GPM6A: variants seen among roughly 807,000 people sequenced by gnomAD.
GPM6A encodes neuronal membrane glycoprotein M6-a.
Under a neutral mutation model 32.1 loss-of-function variants are expected in GPM6A, and 7 were observed. The ratio of observed to expected loss-of-function variants is 0.22; its 90% CI spans 0.12 to 0.41. The LOEUF (loss-of-function observed/expected upper bound fraction) is 0.41. Among genes scored for constraint, GPM6A ranks in the 10% least tolerant of loss-of-function variants. The pLI, the probability that GPM6A is intolerant of heterozygous loss-of-function variation, is 1.00. For missense variants in GPM6A, 235 were observed against 347.2 expected (o/e 0.68, Z 2.57); for synonymous variants, 130 against 123.4 (o/e 1.05, Z -0.35).
chr4:175,926,158 T>C (rs540545797), intron 1 of GPM6A, among the ~76,000 whole-genome samples: 1 of 152,256 alleles, frequency 6.6e-6, no homozygotes, highest in South Asian at 2.1e-4. Flanking sequence ...GGCCACAAAT[T>C]CTCTATATTT....
chr4:175,731,554 G>C (rs1731432497), intron 1 of GPM6A, among the ~76,000 whole-genome samples: 1 of 152,142 alleles, frequency 6.6e-6, no homozygotes, highest in African/African-American at 2.4e-5. Context: ...ACAATATCTG[G>C]CACAGGCCAG....
At chr4:175,936,744 A>G (rs1168294202) in intron 1 of GPM6A, among the ~76,000 whole-genome samples, 1 of 152,174 alleles carries the variant, frequency 6.6e-6, no homozygotes, top group Non-Finnish European at 1.5e-5. Flanking sequence ...TAAAAATACC[A>G]TAAAGCTAAA....
chr4:175,943,963 T>C (rs966084320), intron 1 of GPM6A, among the ~76,000 whole-genome samples: 1 of 152,168 alleles, frequency 6.6e-6, no homozygotes, highest in Non-Finnish European at 1.5e-5. Flanking sequence ...TGGTACCAGC[T>C]CCTCTTTGTA....
intron 1 of GPM6A, among the ~76,000 whole-genome samples, chr4:175,923,149 G>C (rs1738721073): frequency 6.7e-6 from 1 of 149,572 alleles, no homozygotes; most frequent in South Asian, 2.1e-4. Context: ...TAAGGTATAG[G>C]TTAAACAGTT....
At chr4:175,995,572 C>T (rs1194595592) in intron 1 of GPM6A, among the ~76,000 whole-genome samples, 1 of 152,056 alleles carries the variant, frequency 6.6e-6, no homozygotes, top group East Asian at 1.9e-4. Context: ...AGACTTCCTG[C>T]CTCATCATCA....
intron 1 of GPM6A, among the ~76,000 whole-genome samples, chr4:175,867,636 C>A (rs955798452): frequency 1.1e-4 from 16 of 152,136 alleles, no homozygotes; most frequent in Non-Finnish European, 1.6e-4. Flanking sequence ...TTTCTATTTC[C>A]ATAGATCTAC....
intron 3 of GPM6A, among the ~76,000 whole-genome samples, chr4:175,654,026 G>A (rs1279816267): frequency 6.6e-6 from 1 of 152,092 alleles, no homozygotes; most frequent in Non-Finnish European, 1.5e-5. Flanking sequence ...TAGGCACCCA[G>A]GCTAAGTGAC....
chr4:175,855,793 T>C (rs1357817404), intron 1 of GPM6A, among the ~76,000 whole-genome samples: 4 of 152,204 alleles, frequency 2.6e-5, no homozygotes, highest in Non-Finnish European at 5.9e-5. Flanking sequence ...ATAATACTGA[T>C]GATTACACAT....
chr4:175,705,336 G>C (rs997674408), intron 1 of GPM6A, among the ~76,000 whole-genome samples: 1 of 152,130 alleles, frequency 6.6e-6, no homozygotes, highest in Non-Finnish European at 1.5e-5. Flanking sequence ...GCACTACTGT[G>C]AAGTTAAGCT....
intron 4 of GPM6A, among the ~76,000 whole-genome samples, chr4:175,644,217 G>A (rs939004348): frequency 1.2e-4 from 16 of 138,148 alleles, no homozygotes; most frequent in Non-Finnish European, 2.1e-4. Context: ...TCCGCTTCCC[G>A]GGTTCACGCC....
intron 4 of GPM6A, among the ~76,000 whole-genome samples, chr4:175,644,121 G>GTTTTTTTTTTTTT (rs781755092): frequency 3.6e-5 from 4 of 110,378 alleles, no homozygotes; most frequent in Admixed American, 1.0e-4. Context: ...TTTTCCGTTT[G>GTTTTTTTTTTTTT]TTTTTTTTTT....
intron 1 of GPM6A, among the ~76,000 whole-genome samples, chr4:175,854,181 T>C (rs1736347543): frequency 6.6e-6 from 1 of 152,184 alleles, no homozygotes; most frequent in Non-Finnish European, 1.5e-5. Context: ...ATAAAGATAC[T>C]GACACCATCA....
chr4:175,666,541 G>A (rs975038754), intron 3 of GPM6A, among the ~76,000 whole-genome samples: 1 of 152,030 alleles, frequency 6.6e-6, no homozygotes, highest in African/African-American at 2.4e-5. Context: ...GTAGGCATAC[G>A]ATTTCTGGTT....
intron 1 of GPM6A, among the ~76,000 whole-genome samples, chr4:175,936,113 G>A (rs1182696863): frequency 1.3e-5 from 2 of 151,496 alleles, no homozygotes; most frequent in African/African-American, 4.8e-5. Flanking sequence ...AGACCATCCT[G>A]GCTAACACGG....
At chr4:175,990,746 T>C (rs757112001) in intron 1 of GPM6A, among the ~76,000 whole-genome samples, 1 of 151,936 alleles carries the variant, frequency 6.6e-6, no homozygotes, top group Non-Finnish European at 1.5e-5. Context: ...TGAATTATCA[T>C]TGGAATTTTT....
At chr4:175,967,015 T>C (rs994326239) in intron 1 of GPM6A, among the ~76,000 whole-genome samples, 6 of 151,972 alleles carry the variant, frequency 3.9e-5, no homozygotes, top group Non-Finnish European at 8.8e-5. Context: ...AAGAGAAAAC[T>C]ACAACAAATA....
chr4:175,789,138 A>C (rs1733912119), intron 1 of GPM6A, among the ~76,000 whole-genome samples: 1 of 152,174 alleles, frequency 6.6e-6, no homozygotes, highest in Non-Finnish European at 1.5e-5. Flanking sequence ...TACAAAGTTA[A>C]TTTACTTTTG....
At chr4:175,666,739 G>GA (rs1468686534) in intron 3 of GPM6A, among the ~76,000 whole-genome samples, 1 of 152,156 alleles carries the variant, frequency 6.6e-6, no homozygotes, top group Non-Finnish European at 1.5e-5. Flanking sequence ...TCCTTGTCGA[G>GA]TGTCACCTGA....
chr4:175,980,282 C>T (rs577436531), intron 1 of GPM6A, among the ~76,000 whole-genome samples: 1 of 152,236 alleles, frequency 6.6e-6, no homozygotes, highest in African/African-American at 2.4e-5. Flanking sequence ...GCTTGAGCCA[C>T]AGGGATGGAG....
Sources: gnomAD v4.1 joint callset for allele counts (sites outside exome capture counted in the v4.1 genomes callset) on GRCh38, gnomAD v4.1.1 for gene constraint, MANE v1.5 for transcripts, NCBI Gene and HGNC (gene_info 2026-07-23, HGNC 2026-07-21) for gene names.